Variants in SBF2 observed in about 807,000 individuals in gnomAD.
SBF2 encodes the protein myotubularin-related protein 13.
In SBF2, 112 loss-of-function variants were observed where a neutral mutation model predicts 225.2. The ratio of observed to expected loss-of-function variants is 0.50; its 90% CI spans 0.43 to 0.58. The LOEUF is 0.58. Among genes scored for constraint, SBF2 ranks in the 20% least tolerant of loss-of-function variants. The pLI is 0.00. For synonymous variants in SBF2, 763 were observed against 773.3 expected, an observed-to-expected ratio of 0.99 and a Z score of 0.22; for missense variants, 1,996 against 2,206.2, an observed-to-expected ratio of 0.90 and a Z score of 1.91.
At chr11:10,153,932 C>T (rs1291628399) in intron 2 of SBF2, among the ~76,000 whole-genome samples, 1 of 152,066 alleles carries the variant, frequency 6.6e-6, no homozygotes, top group East Asian at 1.9e-4. Context: ...CCTTTCTCCA[C>T]TGAATAATCT....
At chr11:10,036,025 T>C (rs1399107547) in intron 3 of SBF2, among the ~76,000 whole-genome samples, 2 of 152,146 alleles carry the variant, frequency 1.3e-5, no homozygotes, top group East Asian at 1.9e-4. Flanking sequence ...TGTCCACCAA[T>C]AATAGATCGG....
intron 2 of SBF2, among the ~76,000 whole-genome samples, chr11:10,118,698 C>A (rs571044059): frequency 6.6e-6 from 1 of 151,942 alleles, no homozygotes; most frequent in East Asian, 1.9e-4. Context: ...CTGTTCCCCC[C>A]AAAATCAGAG....
At chr11:10,004,666 C>CA (rs1308200613) in intron 6 of SBF2, among the ~76,000 whole-genome samples, 1 of 149,514 alleles carries the variant, frequency 6.7e-6, no homozygotes, top group African/African-American at 2.5e-5. Flanking sequence ...AAAGGACAGA[C>CA]AAAACTCAAA....
At chr11:9,839,319 T>C in intron 26 of SBF2, 179 bp downstream of exon 26, 1 of 671,936 alleles carries the variant, frequency 1.5e-6, no homozygotes, top group Non-Finnish European at 2.6e-6. Context: ...TAGAGGTACT[T>C]TCAGTAAGGT....
At chr11:10,028,603 C>G (rs773852282) in intron 5 of SBF2, 46 bp from the exon 6 acceptor site, 8 of 1,142,830 alleles carry the variant, frequency 7.0e-6, no homozygotes, top group Non-Finnish European at 1.0e-5. Context: ...CGATTTCAGC[C>G]ATTTTTTAAA....
rs34189666 is a variant in SBF2, at chr11:10,108,515, C to CTTTTTTTTT, written c.142-65543_142-65535dup. The stretch of plus-strand genomic sequence containing the variant: ...TGCAAAAACAAACAGTAATAGTTAA[C>CTTTTTTTTT]TTTTTTTTTTTTTTTTTTTTTTTTT... On this transcript the variant is annotated intron_variant, in intron 2 of 39. Transcript: ENST00000256190. 9.6e-4 allele frequency among the ~76,000 whole-genome samples: 80 copies of CTTTTTTTTT among 83,478 alleles called. 1 individual carries two copies. The highest frequency in any genetic ancestry group is 1.5e-3 in the Non-Finnish European group (68 of 45,340). 54.8% of individuals were successfully genotyped at this position (83,478 alleles called of 152,430 possible).
chr11:9,779,064 A>G lies in SBF2; in HGVS notation c.*1354T>C, dbSNP rs1456607330. ...TCTTAATTATCCCCAGATTTCTTAT[A>G]TATTAACACAGTTCTATTTCCTAGT... is the stretch of plus-strand genomic sequence containing the variant. On this transcript the variant is annotated 3_prime_UTR_variant, in exon 40 of 40. Transcript: ENST00000256190. 6.5e-6 allele frequency: 1 copy of G among 152,806 alleles called. No individual in the cohort carries two copies. Among genetic ancestry groups the G allele is most frequent in the East Asian group, 1.9e-4 (1 of 5,194 alleles). The allele number at this position is 152,806 out of a possible 1,614,324, so 9.5% of individuals were successfully genotyped here. A position where few individuals can be genotyped will look rare whatever the true frequency, so the allele number is the denominator to read the frequency against.
intron 1 of SBF2, among the ~76,000 whole-genome samples, chr11:10,228,102 T>G (rs916148768): frequency 6.6e-6 from 1 of 151,294 alleles, no homozygotes; most frequent in Non-Finnish European, 1.5e-5. Flanking sequence ...GGGAGTTCAC[T>G]CATGATTTGG....
chr11:9,781,224 A>AAATAACTAACAAC (rs1851984409), intron 39 of SBF2, among the ~76,000 whole-genome samples: 1 of 152,266 alleles, frequency 6.6e-6, no homozygotes, highest in South Asian at 2.1e-4. Context: ...GTGGTGACTG[A>AAATAACTAACAAC]AATAACTAAC....
chr11:9,895,888 C>G, intron 17 of SBF2, 55 bp downstream of exon 17: 1 of 1,298,652 alleles, frequency 7.7e-7, no homozygotes, highest in East Asian at 2.3e-5. Flanking sequence ...ATAAATCAAA[C>G]TGAATACATT....
chr11:10,178,438 T>G (rs1440016063), intron 2 of SBF2, among the ~76,000 whole-genome samples: 1 of 142,154 alleles, frequency 7.0e-6, no homozygotes, highest in Non-Finnish European at 1.5e-5. Flanking sequence ...TTTCACAACC[T>G]ACTCATCTGA....
At chr11:9,784,233 A>T (rs1852218926) in intron 38 of SBF2, 118 bp downstream of exon 38, 1 of 781,674 alleles carries the variant, frequency 1.3e-6, no homozygotes, top group Non-Finnish European at 2.3e-6. Context: ...TACATATGAG[A>T]GGCACTAAAA....
upstream of SBF2, among the ~76,000 whole-genome samples, chr11:10,298,053 C>G (rs771080137): frequency 2.6e-5 from 4 of 152,234 alleles, no homozygotes; most frequent in Non-Finnish European, 5.9e-5. Flanking sequence ...GTATGTAACA[C>G]TATCATGATG....
intron 2 of SBF2, among the ~76,000 whole-genome samples, chr11:10,075,401 T>G (rs1010482678): frequency 1.2e-4 from 19 of 152,328 alleles, no homozygotes; most frequent in African/African-American, 3.8e-4. Flanking sequence ...CTACTGCTAT[T>G]GCTATGTAAG....
chr11:10,243,311 G>A (rs1416254714), intron 1 of SBF2, among the ~76,000 whole-genome samples: 4 of 151,714 alleles, frequency 2.6e-5, no homozygotes, highest in Non-Finnish European at 5.9e-5. Context: ...AAACTTATGG[G>A]ATGCAGCAAA....
chr11:9,865,412 G>C (rs1184593106), intron 17 of SBF2, among the ~76,000 whole-genome samples: 1 of 151,886 alleles, frequency 6.6e-6, no homozygotes, highest in African/African-American at 2.4e-5. Flanking sequence ...GGAAAAAGCC[G>C]GGCGCAGTGG....
chr11:9,875,641 G>A (rs1210586785), intron 17 of SBF2, among the ~76,000 whole-genome samples: 3 of 152,202 alleles, frequency 2.0e-5, no homozygotes, highest in African/African-American at 7.2e-5. Context: ...AAAAAAGGGT[G>A]TGGAACAAGG....
intron 16 of SBF2, among the ~76,000 whole-genome samples, chr11:9,924,593 C>T (rs1045475340): frequency 2.1e-4 from 32 of 151,930 alleles, no homozygotes; most frequent in Non-Finnish European, 3.7e-4. Context: ...CACCCCGCCC[C>T]GCTAATTTTT....
chr11:9,891,692 A>G (rs2134121047), intron 17 of SBF2, among the ~76,000 whole-genome samples: 1 of 152,378 alleles, frequency 6.6e-6, no homozygotes, highest in African/African-American at 2.4e-5. Flanking sequence ...CCACCTTCAA[A>G]GAAGGCTTCC....
Sources: allele counts gnomAD v4.1 joint callset (sites outside exome capture counted in the v4.1 genomes callset), GRCh38; gene constraint gnomAD v4.1.1; transcripts MANE v1.5; gene names NCBI Gene and HGNC (gene_info 2026-07-23, HGNC 2026-07-21).